The following CACNB2 variants were observed in gnomAD, a reference collection of about 807,000 sequenced individuals.
The protein encoded by CACNB2 is calcium voltage-gated channel auxiliary subunit beta 2.
Under a neutral mutation model 73.3 loss-of-function variants are expected in CACNB2, and 42 were observed. The ratio of observed to expected loss-of-function variants is 0.57; its 90% confidence interval spans 0.45 to 0.74. CACNB2 has a LOEUF of 0.74. Ranked by LOEUF, CACNB2 falls within the 30% of genes least tolerant of loss-of-function variation. The probability of loss-of-function intolerance (pLI) is 0.00; values close to 1 mark genes in which losing one functional copy is unlikely to be tolerated. For missense variants in CACNB2, 940 were observed against 853.0 expected, an observed-to-expected ratio of 1.10 and a Z score of -1.27; for synonymous variants, 348 against 310.3, an observed-to-expected ratio of 1.12 and a Z score of -1.28.
intron 11 of CACNB2, among the ~76,000 whole-genome samples, chr10:18,535,454 T>A (rs934134410): frequency 2.6e-5 from 4 of 151,888 alleles, no homozygotes; most frequent in African/African-American, 4.8e-5. Flanking sequence ...ATTAGAGAGA[T>A]GTGTAAAAAT....
intron 2 of CACNB2, among the ~76,000 whole-genome samples, chr10:18,284,315 A>G (rs920976648): frequency 4.6e-5 from 7 of 152,136 alleles, no homozygotes; most frequent in Admixed American, 3.9e-4. Context: ...CCATGATTCA[A>G]TTACCTCCTA....
chr10:18,334,500 A>T (rs1466430390), intron 2 of CACNB2, among the ~76,000 whole-genome samples: 1 of 152,224 alleles, frequency 6.6e-6, no homozygotes, highest in East Asian at 1.9e-4. Flanking sequence ...ATCTTAGGTT[A>T]TACTTGAAAG....
intron 9 of CACNB2, among the ~76,000 whole-genome samples, chr10:18,520,315 CT>C (rs1489718559): frequency 2.0e-5 from 3 of 152,212 alleles, no homozygotes; most frequent in African/African-American, 7.2e-5. Context: ...TTTTCCTTGA[CT>C]GTTCTTTCTC....
At chr10:18,355,232 A>T (rs1396579784) in intron 2 of CACNB2, among the ~76,000 whole-genome samples, 1 of 152,178 alleles carries the variant, frequency 6.6e-6, no homozygotes, top group Non-Finnish European at 1.5e-5. Flanking sequence ...TGCTTAACAT[A>T]GTACTTCTAT....
chr10:18,320,546 C>T (rs1007551982), intron 2 of CACNB2, among the ~76,000 whole-genome samples: 3 of 152,168 alleles, frequency 2.0e-5, no homozygotes, highest in Non-Finnish European at 2.9e-5. Flanking sequence ...TTTGAGAGCA[C>T]AAAGTCTGAA....
chr10:18,393,271 C>A (rs1415215379), intron 2 of CACNB2, among the ~76,000 whole-genome samples: 1 of 151,726 alleles, frequency 6.6e-6, no homozygotes, highest in Non-Finnish European at 1.5e-5. Context: ...TTTCCCAAAA[C>A]ACACATACAC....
At chr10:18,151,020 C>A in intron 2 of CACNB2, 45 bp downstream of exon 2, 1 of 1,208,340 alleles carries the variant, frequency 8.3e-7, no homozygotes, top group Non-Finnish European at 1.2e-6. Context: ...CTTAAAATGA[C>A]TTTAGATTTT....
chr10:18,168,929 G>T (rs1160110809), intron 2 of CACNB2, among the ~76,000 whole-genome samples: 26 of 152,234 alleles, frequency 1.7e-4, no homozygotes, highest in Non-Finnish European at 5.9e-5. Flanking sequence ...AAATCTACTT[G>T]ATCTTGGAAC....
At chr10:18,430,581 G>T (rs1372113136) in intron 3 of CACNB2, among the ~76,000 whole-genome samples, 1 of 152,108 alleles carries the variant, frequency 6.6e-6, no homozygotes, top group African/African-American at 2.4e-5. Context: ...AGTGAGCCGT[G>T]ATTGCGCCAC....
chr10:18,151,886 T>G (rs986964696), intron 2 of CACNB2, among the ~76,000 whole-genome samples: 1 of 152,160 alleles, frequency 6.6e-6, no homozygotes, highest in African/African-American at 2.4e-5. Context: ...CTCGTGTCAT[T>G]TGGATGCCAC....
chr10:18,152,709 C>CAA lies in CACNB2; in HGVS notation c.213+1756_213+1757dup, dbSNP rs772732675. Among the ~76,000 whole-genome samples the CAA allele has an allele frequency of 4.2e-3, 204 of 49,098 alleles. 13 individuals are homozygous for CAA. The highest frequency in any genetic ancestry group is 6.1e-3 in the African/African-American group (80 of 13,046). The allele number at this position is 49,098 out of a possible 152,430, so 32.2% of individuals were successfully genotyped here. A position where few individuals can be genotyped will look rare whatever the true frequency, so the allele number is the denominator to read the frequency against. On this transcript the variant is annotated intron_variant, in intron 2 of 13. Transcript: ENST00000324631. Reference sequence around the variant, plus strand: ...TCATCATGCAGGACCTGAAACAGACCAAAAAAAAAAAAAAAAAAAAAAACA... The same window carrying CAA: ...TCATCATGCAGGACCTGAAACAGACCAAAAAAAAAAAAAAAAAAAAAAAAACA...
Position 18,538,209 on chromosome 10 carries a change from C to T in CACNB2, c.1332C>T (p.Asn444=), listed in dbSNP as rs1260592132. ...PELFDVILDE[N]QLEDACEHLA... ...TGTTCGATGTGATCTTGGATGAGAA[C>T]CAGCTTGAGGATGCCTGTGAGCACC... The change falls in exon 13 of 14, where the codon AAC becomes AAT. Residue 444 remains asparagine (N), a synonymous_variant. Transcript: ENST00000324631. The T allele has an allele frequency of 5.6e-6, 9 of 1,613,848 alleles. No homozygotes were observed. The highest frequency in any genetic ancestry group is 7.6e-6 in the Non-Finnish European group (9 of 1,180,008).
intron 3 of CACNB2, among the ~76,000 whole-genome samples, chr10:18,498,076 C>T (rs1455323302): frequency 1.4e-5 from 2 of 138,334 alleles, no homozygotes; most frequent in Non-Finnish European, 3.1e-5. Flanking sequence ...ATGTTGAAAA[C>T]ACATATTTCC....
At chr10:18,309,039 CT>C (rs1168824795) in intron 2 of CACNB2, among the ~76,000 whole-genome samples, 1 of 152,138 alleles carries the variant, frequency 6.6e-6, no homozygotes, top group Non-Finnish European at 1.5e-5. Flanking sequence ...GGAAGTGATG[CT>C]GTCCTTCTCC....
intron 2 of CACNB2, among the ~76,000 whole-genome samples, chr10:18,204,141 C>T (rs139696702): frequency 7.3e-4 from 111 of 152,288 alleles, no homozygotes; most frequent in African/African-American, 2.5e-3. Context: ...ATTTTGCTTC[C>T]GTTGCTGCAG....
At chr10:18,196,422 TC>T (rs2034628284) in intron 2 of CACNB2, among the ~76,000 whole-genome samples, 2 of 151,968 alleles carry the variant, frequency 1.3e-5, no homozygotes, top group South Asian at 4.2e-4. Context: ...ACTCAAGTGA[TC>T]CTCTTACCTC....
At chr10:18,234,036 T>A (rs2036328779) in intron 2 of CACNB2, 1 of 152,236 alleles carries the variant, frequency 6.6e-6, no homozygotes, top group Non-Finnish European at 1.5e-5. Context: ...TACTTAGACA[T>A]ACCAGATACT....
chr10:18,498,764 A>C, intron 4 of CACNB2: 1 of 364,408 alleles, frequency 2.7e-6, no homozygotes, highest in Non-Finnish European at 5.1e-6. Context: ...CTTAACCTAT[A>C]CTTTTTTTTA....
At chr10:18,494,918 A>T (rs901009700) in intron 3 of CACNB2, among the ~76,000 whole-genome samples, 3 of 152,096 alleles carry the variant, frequency 2.0e-5, no homozygotes, top group African/African-American at 7.2e-5. Context: ...TAAAAAAAAT[A>T]AAATGTAAAA....
Sources: allele counts gnomAD v4.1 joint callset (sites outside exome capture counted in the v4.1 genomes callset), GRCh38; gene constraint gnomAD v4.1.1; transcripts MANE v1.5; gene names NCBI Gene and HGNC (gene_info 2026-07-23, HGNC 2026-07-21).